KCNMA1: variants seen among roughly 807,000 people sequenced by gnomAD.
The protein encoded by KCNMA1 is Calcium-activated potassium channel subunit alpha-1.
A neutral mutation model predicts 140.0 loss-of-function variants in KCNMA1; 29 were observed. The observed-to-expected ratio is 0.21, with a 90% CI of 0.15 to 0.28. The LOEUF is 0.28. KCNMA1 is among the 10% of genes least tolerant of loss of function. KCNMA1 has a pLI of 1.00. For missense variants in KCNMA1, 880 were observed against 1,602.2 expected (o/e 0.55, Z 7.70); for synonymous variants, 612 against 611.9 (o/e 1.00, Z 0.00).
At chr10:77,032,158 G>C (rs539160771) in intron 15 of KCNMA1, among the ~76,000 whole-genome samples, 3 of 152,164 alleles carry the variant, frequency 2.0e-5, no homozygotes, top group South Asian at 4.2e-4. Flanking sequence ...TTTGTCCTTG[G>C]GACCTTCTAG....
chr10:77,462,470 C>A (rs2097896587), intron 1 of KCNMA1, among the ~76,000 whole-genome samples: 1 of 152,178 alleles, frequency 6.6e-6, no homozygotes, highest in African/African-American at 2.4e-5. Context: ...GACATGTAAA[C>A]ATACATACAC....
chr10:77,139,508 G>A (rs1399660351), intron 5 of KCNMA1, among the ~76,000 whole-genome samples: 1 of 152,126 alleles, frequency 6.6e-6, no homozygotes, highest in East Asian at 1.9e-4. Context: ...AATTTTGTTA[G>A]GCACAATTAC....
rs544113647 is a variant in KCNMA1 at position 77,407,555 on chromosome 10, G to T, written c.379-3532C>A. 3.3e-5 allele frequency among the ~76,000 whole-genome samples: 5 copies of T among 152,334 alleles called. No individual in the cohort carries two copies. The South Asian group carries it at 1.0e-3, about 32-fold the overall frequency. ...TGAAATTATTTCCATTTTACAGACA[G>T]GGTAACTAAGAGCAGGTATCTCTCA... On this transcript the variant is annotated intron_variant, in intron 1 of 27. Coordinates refer to ENST00000286628, the MANE Select transcript of KCNMA1 (RefSeq NM_001161352.2).
chr10:76,897,417 A>G (rs1897590), intron 25 of KCNMA1, among the ~76,000 whole-genome samples: 113,930 of 151,652 alleles, frequency 0.75, 43,487 homozygotes, highest in African/African-American at 0.87. Context: ...AGTATAAAAT[A>G]AGGCTAGGCT....
intron 1 of KCNMA1, among the ~76,000 whole-genome samples, chr10:77,599,357 C>T (rs144167454): frequency 5.9e-4 from 90 of 152,256 alleles, no homozygotes; most frequent in African/African-American, 2.0e-3. Context: ...TTTATACATT[C>T]GGAGTCTACG....
intron 1 of KCNMA1, among the ~76,000 whole-genome samples, chr10:77,573,682 A>G (rs1212668629): frequency 4.7e-5 from 7 of 148,934 alleles, no homozygotes; most frequent in African/African-American, 9.9e-5. Flanking sequence ...AGAATAGAAT[A>G]GAATAGAATA....
chr10:77,231,690 C>T (rs147480263), intron 3 of KCNMA1, among the ~76,000 whole-genome samples: 5 of 152,242 alleles, frequency 3.3e-5, no homozygotes, highest in East Asian at 1.9e-4. Flanking sequence ...CCAATGGCCT[C>T]GGACCTCTCC....
chr10:76,877,602 A>G (rs1208169455), downstream of KCNMA1: 1 of 725,080 alleles, frequency 1.4e-6, no homozygotes, highest in African/African-American at 1.8e-5. Context: ...AAAGAGAAAG[A>G]TCTGTCTACT....
intron 14 of KCNMA1, among the ~76,000 whole-genome samples, chr10:77,062,794 C>T (rs1029047219): frequency 3.4e-4 from 52 of 152,180 alleles, no homozygotes; most frequent in African/African-American, 1.2e-3. Context: ...TTCTTAGAAG[C>T]TATTGATTTG....
At chr10:77,079,800 C>T in intron 12 of KCNMA1, 1 of 550,640 alleles carries the variant, frequency 1.8e-6, no homozygotes, top group Non-Finnish European at 3.3e-6. Flanking sequence ...ATGGCAACAC[C>T]CAGGAGGTTC....
intron 5 of KCNMA1, among the ~76,000 whole-genome samples, chr10:77,121,811 T>C (rs1013943314): frequency 6.6e-6 from 1 of 152,222 alleles, no homozygotes; most frequent in Non-Finnish European, 1.5e-5. Context: ...TAAGAGTGAA[T>C]TATATTTCTG....
intron 1 of KCNMA1, among the ~76,000 whole-genome samples, chr10:77,409,800 G>C (rs1204732191): frequency 6.6e-6 from 1 of 152,144 alleles, no homozygotes; most frequent in Non-Finnish European, 1.5e-5. Flanking sequence ...CTGTGGTGTG[G>C]CAGGAAGAAC....
intron 1 of KCNMA1, among the ~76,000 whole-genome samples, chr10:77,479,718 G>A (rs683088): frequency 0.52 from 78,510 of 151,992 alleles, 20,760 homozygotes; most frequent in East Asian, 0.68. Flanking sequence ...CTAAGCCCTC[G>A]CCCCTGTGCC....
At chr10:76,984,401 G>C (rs1048012510) in intron 19 of KCNMA1, among the ~76,000 whole-genome samples, 42 of 152,158 alleles carry the variant, frequency 2.8e-4, no homozygotes, top group African/African-American at 8.7e-4. Flanking sequence ...TGTTGGCCAG[G>C]CTGGTCTCAA....
chr10:77,166,518 G>C (rs1199550293), intron 5 of KCNMA1, among the ~76,000 whole-genome samples: 1 of 151,974 alleles, frequency 6.6e-6, no homozygotes, highest in Non-Finnish European at 1.5e-5. Flanking sequence ...AGTTTGCAAA[G>C]GGCAAGTCGC....
intron 9 of KCNMA1, among the ~76,000 whole-genome samples, chr10:77,092,770 G>A (rs538275895): frequency 2.0e-5 from 3 of 152,300 alleles, no homozygotes; most frequent in African/African-American, 7.2e-5. Flanking sequence ...TAGGTCTGGG[G>A]AAATGCCTGA....
At chr10:77,082,215 T>G (rs1324880057) in intron 12 of KCNMA1, among the ~76,000 whole-genome samples, 3 of 151,544 alleles carry the variant, frequency 2.0e-5, no homozygotes, top group East Asian at 2.0e-4. Context: ...TTTTAGTAGA[T>G]ACGGGGTTTC....
intron 3 of KCNMA1, among the ~76,000 whole-genome samples, chr10:77,225,912 C>T (rs1238090497): frequency 6.6e-6 from 1 of 152,140 alleles, no homozygotes; most frequent in Non-Finnish European, 1.5e-5. Flanking sequence ...TCCAATGATG[C>T]TACCCACAAA....
intron 5 of KCNMA1, among the ~76,000 whole-genome samples, chr10:77,170,021 T>C (rs2098686616): frequency 6.6e-6 from 1 of 152,060 alleles, no homozygotes; most frequent in South Asian, 2.1e-4. Context: ...TGAAACCCCA[T>C]CTCTACTAAA....
Sources: gnomAD v4.1 joint callset for allele counts (sites outside exome capture counted in the v4.1 genomes callset) on GRCh38, gnomAD v4.1.1 for gene constraint, MANE v1.5 for transcripts, NCBI Gene and HGNC (gene_info 2026-07-23, HGNC 2026-07-21) for gene names.